Variants in SLC5A11 observed in about 807,000 individuals in gnomAD.
SLC5A11 encodes the protein sodium/myo-inositol cotransporter 2.
Under a neutral mutation model 69.8 loss-of-function variants are expected in SLC5A11, and 48 were observed. The ratio of observed to expected loss-of-function variants is 0.69; its 90% CI spans 0.55 to 0.87. The LOEUF (loss-of-function observed/expected upper bound fraction) is 0.87, where lower values mean the gene tolerates loss of function less well. SLC5A11 is among the 40% of genes least tolerant of loss of function. The pLI is 0.00. For synonymous variants in SLC5A11, 319 were observed against 342.4 expected (o/e 0.93, Z 0.75); for missense variants, 784 against 866.1 (o/e 0.91, Z 1.19).
In SLC5A11 at chr16:24,864,810, AT is replaced by A. The variant is rs61559358; in HGVS notation, c.207+2147del. Among the ~76,000 whole-genome samples the A allele has an allele frequency of 5.0e-3, 752 of 151,854 alleles. 10 individuals are homozygous for A. The highest frequency in any genetic ancestry group is 0.017 in the African/African-American group (713 of 41,430). On this transcript the variant is annotated intron_variant, in intron 3 of 15. Coordinates refer to ENST00000347898, the Ensembl canonical transcript of SLC5A11. ...ACAGAATATATCATTAAAGAGATAG[AT>A]TTTTTTTTAAGTGGAAATTATGGAG...
chr16:24,892,497 C>A, intron 9 of SLC5A11, among the ~76,000 whole-genome samples: 1 of 149,736 alleles, frequency 6.7e-6, no homozygotes, highest in African/African-American at 2.5e-5. Flanking sequence ...CTTATATGTC[C>A]ATAAACTCTG....
chr16:24,867,102 C>T (rs2046966688), intron 3 of SLC5A11, among the ~76,000 whole-genome samples: 1 of 152,172 alleles, frequency 6.6e-6, no homozygotes, highest in Non-Finnish European at 1.5e-5. Flanking sequence ...GCACATGGAA[C>T]ATTCTCCAGA....
intron 9 of SLC5A11, among the ~76,000 whole-genome samples, chr16:24,897,390 C>A (rs1419261066): frequency 6.6e-6 from 1 of 152,020 alleles, no homozygotes; most frequent in East Asian, 1.9e-4. Flanking sequence ...CAAGGCGTAA[C>A]CCCTGGATAA....
intron 7 of SLC5A11, among the ~76,000 whole-genome samples, chr16:24,882,793 G>A (rs1256911068): frequency 6.6e-6 from 1 of 152,098 alleles, no homozygotes. Context: ...TTACAGGCAT[G>A]CCCCATCACA....
intron 13 of SLC5A11, 130 bp from the exon 15 acceptor site, chr16:24,908,751 C>G: frequency 1.4e-6 from 1 of 705,122 alleles, no homozygotes; most frequent in Non-Finnish European, 2.3e-6. Context: ...TATTGCAGAA[C>G]CTTTTCAAAT....
chr16:24,881,616 G>A (rs774463459), intron 7 of SLC5A11, among the ~76,000 whole-genome samples: 5 of 152,112 alleles, frequency 3.3e-5, no homozygotes, highest in African/African-American at 4.8e-5. Context: ...GATGATTAGC[G>A]ATGATGAGCA....
rs538799344 is a variant in SLC5A11 at position 24,900,610 on chromosome 16, A to G, written c.1006+2501A>G. ...ACAGCTGTTCAGCAAGTCTTGACAT[A>G]GGAACACAGAAATAGCTTCAGGCCA... is the stretch of plus-strand genomic sequence containing the variant. On this transcript the variant is annotated intron_variant, in intron 10 of 15. Coordinates refer to ENST00000347898, the Ensembl canonical transcript of SLC5A11. Among the ~76,000 whole-genome samples, 36 of 152,296 alleles carry G rather than the reference A, an allele frequency of 2.4e-4. No individual in the cohort carries two copies. In the East Asian group the frequency reaches 6.6e-3, roughly 28 times the overall value.
chr16:24,875,771 G>A, intron 6 of SLC5A11, 40 bp downstream of exon 7: 7 of 1,512,790 alleles, frequency 4.6e-6, no homozygotes, highest in Non-Finnish European at 6.4e-6. Flanking sequence ...CATGCAGCAT[G>A]GGGAGAAGAT....
At position 24,849,572 on chromosome 16, in the gene SLC5A11, C is replaced by CAAAAAAAAAAAAAA. The variant is rs1182615959; in HGVS notation, c.-25+3143_-25+3156dup. Among the ~76,000 whole-genome samples the CAAAAAAAAAAAAAA allele has an allele frequency of 6.5e-4, 25 of 38,478 alleles. 1 individual carries two copies. The highest frequency in any genetic ancestry group is 1.3e-3 in the African/African-American group (11 of 8,510). The allele number at this position is 38,478 out of a possible 152,430, so 25.2% of individuals were successfully genotyped here. A position where few individuals can be genotyped will look rare whatever the true frequency, so the allele number is the denominator to read the frequency against. Reference sequence around the variant, plus strand: ...ACAGAGCGAGACTCTGCCTTGGGGGCAAAAAAAAAAAAAAAAAAAAAATAT... The same window carrying CAAAAAAAAAAAAAA: ...ACAGAGCGAGACTCTGCCTTGGGGGCAAAAAAAAAAAAAAAAAAAAAAAAAAAAAAAAAAAATAT... On this transcript the variant is annotated intron_variant, in intron 1 of 15. Transcript: ENST00000347898.
intron 13 of SLC5A11, 76 bp downstream of exon 14, chr16:24,908,207 G>A (rs191751215): frequency 1.0e-4 from 151 of 1,475,882 alleles, no homozygotes; most frequent in Admixed American, 1.4e-4. Flanking sequence ...GGAGGGGAGG[G>A]TGTTGGAGGG....
At chr16:24,873,457 C>A (rs2047466949) in intron 5 of SLC5A11, among the ~76,000 whole-genome samples, 2 of 151,902 alleles carry the variant, frequency 1.3e-5, no homozygotes, top group Admixed American at 1.3e-4. Flanking sequence ...ACAGTGAGAC[C>A]CCCATCTCTA....
In SLC5A11 at chr16:24,869,081, T is replaced by G. The variant is rs186137156; in HGVS notation, c.208-820T>G. On this transcript the variant is annotated intron_variant, in intron 3 of 15. Transcript: ENST00000347898. ...CGGGGTTTCACCATGTTGGCCAGGC[T>G]GGTCTGAAACTCCTGACCTCAAGTG... Among the ~76,000 whole-genome samples the G allele has an allele frequency of 9.1e-3, 1,388 of 152,232 alleles. 22 individuals carry two copies. The highest frequency in any genetic ancestry group is 0.031 in the African/African-American group (1,292 of 41,542).
intron 10 of SLC5A11, among the ~76,000 whole-genome samples, chr16:24,904,836 T>C (rs1184968665): frequency 6.6e-6 from 1 of 152,164 alleles, no homozygotes; most frequent in Non-Finnish European, 1.5e-5. Flanking sequence ...CTTTGTTACA[T>C]AGGTATACAT....
chr16:24,851,341 C>T (rs1170923704), intron 1 of SLC5A11, among the ~76,000 whole-genome samples: 1 of 151,038 alleles, frequency 6.6e-6, no homozygotes, highest in Non-Finnish European at 1.5e-5. Flanking sequence ...GGTGAAACCC[C>T]ATGTCTACTA....
chr16:24,867,170 T>C (rs143189762), intron 3 of SLC5A11, among the ~76,000 whole-genome samples: 121 of 152,132 alleles, frequency 8.0e-4, no homozygotes, highest in Non-Finnish European at 1.6e-3. Context: ...ATTGAAATAA[T>C]ACAAAGTGTG....
chr16:24,901,078 G>A (rs1404481084), intron 10 of SLC5A11, among the ~76,000 whole-genome samples: 1 of 152,104 alleles, frequency 6.6e-6, no homozygotes, highest in Non-Finnish European at 1.5e-5. Flanking sequence ...TTGCTCTGCC[G>A]CTTATGAGGT....
At chr16:24,909,690 G>A (rs1435607396) in intron 14 of SLC5A11, among the ~76,000 whole-genome samples, 6 of 148,666 alleles carry the variant, frequency 4.0e-5, no homozygotes, top group Admixed American at 2.0e-4. Context: ...TTAGCAGGGC[G>A]TGATGGCTCA....
chr16:24,898,000 C>A, exon 10 of SLC5A11: 1 of 1,614,116 alleles, frequency 6.2e-7, no homozygotes, highest in East Asian at 2.2e-5. Context: ...CTCTGGCTGC[C>A]AAGAACCTGT....
At chr16:24,851,949 G>C (rs536572443) in intron 1 of SLC5A11, among the ~76,000 whole-genome samples, 1 of 151,510 alleles carries the variant, frequency 6.6e-6, no homozygotes, top group Admixed American at 6.6e-5. Context: ...TTTTCATTCA[G>C]AGCAGGGAAC....
Sources: gnomAD v4.1 joint callset for allele counts (sites outside exome capture counted in the v4.1 genomes callset) on GRCh38, gnomAD v4.1.1 for gene constraint, MANE v1.5 for transcripts, NCBI Gene and HGNC (gene_info 2026-07-23, HGNC 2026-07-21) for gene names.